The following SND1 variants were observed in gnomAD, a reference collection of about 807,000 sequenced individuals.
SND1 encodes staphylococcal nuclease and tudor domain containing 1.
Under a neutral mutation model 121.7 loss-of-function variants are expected in SND1, and 38 were observed. That is an observed-to-expected ratio of 0.31 (90% confidence interval 0.24 to 0.41). The LOEUF is 0.41. Ranked by LOEUF, SND1 falls within the 10% of genes least tolerant of loss-of-function variation. The probability of loss-of-function intolerance (pLI) is 1.00; values close to 1 mark genes in which losing one functional copy is unlikely to be tolerated. For missense variants in SND1, 868 were observed against 1,184.6 expected (o/e 0.73, Z 3.92); for synonymous variants, 401 against 447.4 (o/e 0.90, Z 1.31).
At chr7:127,996,275 G>A (rs190347037) in intron 16 of SND1, among the ~76,000 whole-genome samples, 211 of 152,298 alleles carry the variant, frequency 1.4e-3, no homozygotes, top group Non-Finnish European at 2.3e-3. Flanking sequence ...GTATGTCTGG[G>A]AAATAAAACT....
intron 10 of SND1, among the ~76,000 whole-genome samples, chr7:127,779,439 A>C (rs1208513624): frequency 1.6e-4 from 25 of 151,896 alleles, no homozygotes; most frequent in Admixed American, 1.6e-3. Context: ...TGATTCTGCC[A>C]CTCTCCTTAT....
chr7:127,686,989 A>T, intron 2 of SND1: 1 of 440,916 alleles, frequency 2.3e-6, no homozygotes. Flanking sequence ...ACCTTTTCCC[A>T]TAGACTTAGA....
chr7:127,762,649 G>A (rs1177755991), intron 10 of SND1, among the ~76,000 whole-genome samples: 1 of 152,200 alleles, frequency 6.6e-6, no homozygotes, highest in African/African-American at 2.4e-5. Context: ...GTCTAGTAGA[G>A]AGAATACTTT....
intron 1 of SND1, among the ~76,000 whole-genome samples, chr7:127,669,737 T>C (rs1193950679): frequency 2.0e-5 from 3 of 152,198 alleles, no homozygotes; most frequent in Non-Finnish European, 4.4e-5. Flanking sequence ...GTCCCCTCCA[T>C]GTACTGTGCT....
intron 1 of SND1, among the ~76,000 whole-genome samples, chr7:127,664,585 A>G (rs1444280183): frequency 6.6e-6 from 1 of 152,214 alleles, no homozygotes; most frequent in Admixed American, 6.5e-5. Context: ...ATATAAATCT[A>G]GTTACTAGTA....
At chr7:127,670,964 A>T (rs953235113) in intron 1 of SND1, among the ~76,000 whole-genome samples, 5 of 152,252 alleles carry the variant, frequency 3.3e-5, no homozygotes, top group Non-Finnish European at 7.3e-5. Flanking sequence ...GTGATTTGAA[A>T]GCGTCTACCA....
chr7:128,078,451 G>T (rs1793543973), intron 17 of SND1, among the ~76,000 whole-genome samples: 5 of 152,222 alleles, frequency 3.3e-5, no homozygotes, highest in Middle Eastern at 3.2e-3. Flanking sequence ...GAGACACCTT[G>T]CTTCTGCTGT....
chr7:127,944,568 C>T (rs1045889542), intron 15 of SND1, among the ~76,000 whole-genome samples: 3 of 152,144 alleles, frequency 2.0e-5, no homozygotes, highest in Non-Finnish European at 2.9e-5. Flanking sequence ...TTAATAATAG[C>T]TCTTTGATCC....
chr7:128,029,470 C>T lies in SND1; in HGVS notation c.1779+38414C>T, dbSNP rs781541864. 1 of 1,614,084 alleles carries T rather than the reference C, an allele frequency of 6.2e-7. No homozygotes were observed. The highest frequency in any genetic ancestry group is 8.5e-7 in the Non-Finnish European group (1 of 1,180,052). ...GGGTGGCGGGAGGCGTGGCTGAGCACTGTCCCATTGGGCAGCAACCACTTC... is the reference window on the plus strand; with the variant it reads ...GGGTGGCGGGAGGCGTGGCTGAGCATTGTCCCATTGGGCAGCAACCACTTC... On this transcript the variant is annotated intron_variant, in intron 16 of 23. Transcript: ENST00000354725. The surrounding 1 kb of genome is among the most constrained non-coding windows in gnomAD (Gnocchi z 4.2).
intron 16 of SND1, among the ~76,000 whole-genome samples, chr7:128,009,879 C>T (rs1193735794): frequency 1.3e-5 from 2 of 152,256 alleles, no homozygotes; most frequent in South Asian, 2.1e-4. Flanking sequence ...GAGTCAATGC[C>T]GGATCAAGTC....
intron 15 of SND1, among the ~76,000 whole-genome samples, chr7:127,973,146 T>C (rs888371321): frequency 5.9e-5 from 9 of 152,166 alleles, no homozygotes; most frequent in African/African-American, 2.2e-4. Context: ...ACCTGGTTGG[T>C]GCTTTGATAG....
At chr7:128,067,568 T>G (rs1037349309) in intron 16 of SND1, among the ~76,000 whole-genome samples, 4 of 152,118 alleles carry the variant, frequency 2.6e-5, no homozygotes, top group Non-Finnish European at 5.9e-5. Context: ...TCTTTTCTAC[T>G]TGGGACCTGC....
chr7:127,778,282 C>A (rs924033342), intron 10 of SND1, among the ~76,000 whole-genome samples: 10 of 151,526 alleles, frequency 6.6e-5, no homozygotes, highest in African/African-American at 2.2e-4. Context: ...GCAACCTCCA[C>A]CTCCCGGGTT....
Position 127,936,738 on chromosome 7 carries a change from G to T in SND1, c.1669+7409G>T, listed in dbSNP as rs139022719. ...TTGTTTTATTTTTTGTAGAGACAGGGTCTCAACTGTGTTGCCCAGGCTGGT... is the reference window on the plus strand; with the variant it reads ...TTGTTTTATTTTTTGTAGAGACAGGTTCTCAACTGTGTTGCCCAGGCTGGT... On this transcript the variant is annotated intron_variant, in intron 15 of 23. Coordinates refer to ENST00000354725, the MANE Select transcript of SND1 (RefSeq NM_014390.4). Among the ~76,000 whole-genome samples, 139 of 152,142 alleles carry T rather than the reference G, an allele frequency of 9.1e-4. 1 individual carries two copies. The highest frequency in any genetic ancestry group is 3.4e-3 in the Middle Eastern group (1 of 294).
intron 12 of SND1, among the ~76,000 whole-genome samples, chr7:127,879,008 A>G (rs1459467002): frequency 6.6e-6 from 1 of 152,130 alleles, no homozygotes; most frequent in Non-Finnish European, 1.5e-5. Context: ...TGAAGACTGG[A>G]GAATAAAAAA....
At chr7:128,008,924 A>G (rs1803048770) in intron 16 of SND1, among the ~76,000 whole-genome samples, 1 of 152,194 alleles carries the variant, frequency 6.6e-6, no homozygotes, top group African/African-American at 2.4e-5. Context: ...CATGAGGGCT[A>G]TATTTAGTCC....
chr7:128,055,160 A>G (rs1230677248), intron 16 of SND1, among the ~76,000 whole-genome samples: 1 of 152,192 alleles, frequency 6.6e-6, no homozygotes, highest in Admixed American at 6.5e-5. Context: ...TGGTCAGAGC[A>G]TGAAAAAGGT....
chr7:127,945,289 G>A (rs927241870), intron 15 of SND1, among the ~76,000 whole-genome samples: 15 of 152,106 alleles, frequency 9.9e-5, no homozygotes, highest in Non-Finnish European at 1.6e-4. Flanking sequence ...TCAGGAGATC[G>A]AGACCATCCT....
chr7:128,086,757 C>A (rs190163498), intron 20 of SND1, 181 bp from the exon 21 acceptor site: 70 of 639,998 alleles, frequency 1.1e-4, no homozygotes, highest in African/African-American at 1.1e-3. Flanking sequence ...CAGCAGGGCA[C>A]GTTCTCTCCA....
Sources: allele counts gnomAD v4.1 joint callset (sites outside exome capture counted in the v4.1 genomes callset), GRCh38; gene constraint gnomAD v4.1.1; non-coding constraint Gnocchi (gnomAD v3.1); transcripts MANE v1.5; gene names NCBI Gene and HGNC (gene_info 2026-07-23, HGNC 2026-07-21).